The following EFCAB8 variants were observed in gnomAD, a reference collection of about 807,000 sequenced individuals.
The protein encoded by EFCAB8 is EF-hand calcium-binding domain-containing protein 8.
In EFCAB8, 100 loss-of-function variants were observed where a neutral mutation model predicts 116.3. That is an observed-to-expected ratio of 0.86 (90% confidence interval 0.73 to 1.02). The LOEUF is 1.02. Ranked by LOEUF, EFCAB8 falls within the 50% of genes least tolerant of loss-of-function variation. The pLI is 0.00. For synonymous variants in EFCAB8, 558 were observed against 567.9 expected (o/e 0.98, Z 0.25); for missense variants, 1,320 against 1,416.9 (o/e 0.93, Z 1.10).
Position 32,918,487 on chromosome 20 carries a change from T to C in EFCAB8, c.2187T>C (p.Asn729=). 3 of 1,551,660 alleles carry C rather than the reference T, an allele frequency of 1.9e-6. No individual in the cohort carries two copies. In the South Asian group the frequency reaches 3.6e-5, roughly 18 times the overall value. ...LSSLSPESVA[N]TNLRRSLVSA... ...GTCTCAGCCCCGAGTCTGTGGCCAA[T>C]ACCAACCTGAGGCGGAGCCTGGTGT... Residue 729 remains asparagine (N), a synonymous_variant, in exon 19 of 27, where the codon AAT becomes AAC. Transcript: ENST00000400522.
chr20:32,871,135 AGCC>A (rs1984664381), intron 3 of EFCAB8, among the ~76,000 whole-genome samples: 8 of 152,016 alleles, frequency 5.3e-5, no homozygotes, highest in African/African-American at 1.9e-4. Flanking sequence ...TTCAGGTGTG[AGCC>A]ACCGTGCCCG....
At chr20:32,954,571 T>C (rs898259857) in intron 23 of EFCAB8, among the ~76,000 whole-genome samples, 6 of 152,232 alleles carry the variant, frequency 3.9e-5, no homozygotes, top group African/African-American at 1.4e-4. Flanking sequence ...GATGTTTTTG[T>C]TCTCTAATAA....
Position 32,905,759 on chromosome 20 carries a change from C to CAAAAAAAAAA in EFCAB8, c.1089-798_1089-789dup, listed in dbSNP as rs571052063. ...TGGGCGACAGAGTGAGACTCCATCT[C>CAAAAAAAAAA]AAAAAAAAAAAAAAGGACATTCCTT... On this transcript the variant is annotated intron_variant, in intron 11 of 26. Transcript: ENST00000400522. Among the ~76,000 whole-genome samples, 15 of 71,506 alleles carry CAAAAAAAAAA rather than the reference C, an allele frequency of 2.1e-4. 1 individual carries two copies. The highest frequency in any genetic ancestry group is 4.9e-4 in the African/African-American group (9 of 18,538). The allele number at this position is 71,506 out of a possible 152,430, so 46.9% of individuals were successfully genotyped here. A position where few individuals can be genotyped will look rare whatever the true frequency, so the allele number is the denominator to read the frequency against.
chr20:32,865,319 AC>A (rs11167181), intron 2 of EFCAB8, among the ~76,000 whole-genome samples: 106,479 of 151,864 alleles, frequency 0.7, 37,682 homozygotes, highest in Middle Eastern at 0.79. Context: ...TATGGGAGAC[AC>A]ACGTGAGTAA....
At chr20:32,918,622 C>T (rs750290586) in intron 19 of EFCAB8, 48 bp downstream of exon 19, 22 of 1,524,786 alleles carry the variant, frequency 1.4e-5, no homozygotes, top group Middle Eastern at 1.8e-4. Flanking sequence ...CTCTAGCCGC[C>T]GGCGTTCACA....
At chr20:32,883,341 C>T (rs987953637) in intron 5 of EFCAB8, among the ~76,000 whole-genome samples, 4 of 152,156 alleles carry the variant, frequency 2.6e-5, no homozygotes, top group South Asian at 2.1e-4. Context: ...TAGCTGTTGC[C>T]GGGAGGCGCT....
At chr20:32,863,738 C>T in intron 1 of EFCAB8, 45 bp from the exon 2 acceptor site, 1 of 1,538,804 alleles carries the variant, frequency 6.5e-7, no homozygotes, top group South Asian at 1.2e-5. Context: ...TCCACGTGGT[C>T]CTTACAACGA....
chr20:32,930,681 C>A, intron 21 of EFCAB8, 65 bp downstream of exon 21: 1 of 1,443,574 alleles, frequency 6.9e-7, no homozygotes, highest in Non-Finnish European at 9.5e-7. Context: ...CATCTCTTTG[C>A]TCACATGGCC....
chr20:32,917,014 C>T (rs375245135), intron 17 of EFCAB8: 3 of 364,438 alleles, frequency 8.2e-6, no homozygotes, highest in Non-Finnish European at 1.5e-5. Flanking sequence ...TGTCCCCCCC[C>T]CTTTAAACCT....
intron 10 of EFCAB8, among the ~76,000 whole-genome samples, chr20:32,897,232 C>T (rs1986203472): frequency 6.6e-6 from 1 of 152,116 alleles, no homozygotes; most frequent in South Asian, 2.1e-4. Context: ...CAGCTCCCAG[C>T]TTTGTGTGGT....
rs373425642 is a variant in EFCAB8, at chr20:32,959,833, C to T, written c.3145C>T (p.Leu1049=). Residue 1049 remains leucine (L), a synonymous_variant, in exon 25 of 27, where the codon CTG becomes TTG. Transcript: ENST00000400522. ...LIYQRREQAA[L]MALLHGKADK... is the part of the protein sequence containing the mutation. ...ATACCAGCGGCGAGAGCAGGCGGCG[C>T]TGATGGCTCTCCTGCATGGGAAGGC... 7.7e-4 allele frequency: 1,189 copies of T among 1,544,032 alleles called. 1 individual carries two copies. The highest frequency in any genetic ancestry group is 1.3e-3 in the Middle Eastern group (8 of 5,950).
rs1285353920 is a variant in EFCAB8 at position 32,918,500 on chromosome 20, C to T, written c.2200C>T (p.Arg734Trp). 15 of 1,551,728 alleles carry T rather than the reference C, an allele frequency of 9.7e-6. No homozygotes were observed. The highest frequency in any genetic ancestry group is 1.3e-5 in the Non-Finnish European group (15 of 1,147,006). The change falls in exon 19 of 27, where the codon CGG becomes TGG. Residue 734 changes from arginine to tryptophan, a missense_variant. By Grantham distance (101) the Arg-to-Trp change is moderately radical. Coordinates refer to ENST00000400522, the MANE Select transcript of EFCAB8 (RefSeq NM_001143967.2). ...PESVANTNLR[R>W]SLVSAPPVMR... ...GTCTGTGGCCAATACCAACCTGAGG[C>T]GGAGCCTGGTGTCGGCTCCCCCAGT...
intron 16 of EFCAB8, among the ~76,000 whole-genome samples, chr20:32,912,153 A>G (rs539632049): frequency 7.2e-5 from 11 of 152,110 alleles, no homozygotes; most frequent in Non-Finnish European, 1.2e-4. Context: ...AAGTGTACTT[A>G]GCTGGCCAGG....
At position 32,875,978 on chromosome 20, in the gene EFCAB8, G is replaced by A; in HGVS notation, c.261G>A (p.Val87=). 6.4e-7 allele frequency: 1 copy of A among 1,552,200 alleles called. No individual in the cohort carries two copies. Among genetic ancestry groups the A allele is most frequent in the Non-Finnish European group, 8.7e-7 (1 of 1,147,112 alleles). ...CCATGAAGAAGGTTCTGAGCAGTGT[G>A]TCGGACGAGATGCTAAAGGAGCTGT... ...IKAMKKVLSS[V]SDEMLKELFL... Residue 87 remains valine (V), a synonymous_variant, in exon 4 of 27, where the codon GTG becomes GTA. Transcript: ENST00000400522.
In EFCAB8 at chr20:32,918,441, A is replaced by C. The variant is rs1432941078; in HGVS notation, c.2141A>C (p.Lys714Thr). 7.1e-6 allele frequency: 11 copies of C among 1,551,616 alleles called. No homozygotes were observed. The Admixed American group carries it at 1.4e-4, about 19-fold the overall frequency. The stretch of plus-strand genomic sequence containing the variant: ...GTGGAGCGGGAGAAGTGGACATACA[A>C]GACCTCCAGGAAGCTCTCCAGTCTC... ...PYVEREKWTY[K>T]TSRKLSSLSP... Residue 714 changes from lysine to threonine, a missense_variant, in exon 19 of 27, where the codon AAG becomes ACG. Lys to Thr is a moderately conservative substitution (Grantham distance 78, BLOSUM62 -1). Coordinates refer to ENST00000400522, the MANE Select transcript of EFCAB8 (RefSeq NM_001143967.2).
intron 22 of EFCAB8, among the ~76,000 whole-genome samples, chr20:32,939,201 TTCCTCTCTCTCTCTC>T (rs1988297887): frequency 6.5e-5 from 5 of 76,522 alleles, no homozygotes; most frequent in Non-Finnish European, 5.5e-5. Flanking sequence ...CTTTCTTTCT[TTCCTCTCTCTCTCTC>T]TCTCTCTCTC....
At chr20:32,912,178 T>G (rs959539011) in intron 16 of EFCAB8, among the ~76,000 whole-genome samples, 5 of 152,110 alleles carry the variant, frequency 3.3e-5, no homozygotes, top group Non-Finnish European at 7.4e-5. Context: ...GGCTCACGCC[T>G]GTAATCTCAG....
chr20:32,953,805 GT>G (rs1988873818), intron 23 of EFCAB8, among the ~76,000 whole-genome samples: 1 of 151,878 alleles, frequency 6.6e-6, no homozygotes, highest in Non-Finnish European at 1.5e-5. Flanking sequence ...GTTGATTGTG[GT>G]TTTTGTTTGT....
chr20:32,908,174 T>C (rs1485565845), intron 13 of EFCAB8, 101 bp from the exon 14 acceptor site: 4 of 1,128,884 alleles, frequency 3.5e-6, no homozygotes, highest in Non-Finnish European at 4.5e-6. Context: ...GGACGGACGA[T>C]GTGCCCTGGC....
Sources: allele counts gnomAD v4.1 joint callset (sites outside exome capture counted in the v4.1 genomes callset), GRCh38; gene constraint gnomAD v4.1.1; transcripts MANE v1.5; gene names NCBI Gene and HGNC (gene_info 2026-07-23, HGNC 2026-07-21).